Variants in STAMBP observed in about 807,000 individuals in gnomAD.
STAMBP encodes the protein STAM binding protein.
In STAMBP, 31 loss-of-function variants were observed where a neutral mutation model predicts 50.7. The ratio of observed to expected loss-of-function variants is 0.61; its 90% CI spans 0.46 to 0.83. STAMBP has a LOEUF of 0.83. Among genes scored for constraint, STAMBP ranks in the 40% least tolerant of loss-of-function variants. STAMBP has a pLI of 0.00. For synonymous variants in STAMBP, 211 were observed against 192.4 expected (o/e 1.10, Z -0.80); for missense variants, 472 against 518.9 (o/e 0.91, Z 0.88).
rs34680117 is a variant in STAMBP at position 73,843,191 on chromosome 2, CT to C, written c.204-1605del. ...TTCAAGGAAACTGTTTTATATCTTT[CT>C]TTTTTTTTTTTTTTTTCCAAATAGA... On this transcript the variant is annotated intron_variant, in intron 2 of 9. Coordinates refer to ENST00000394070, the MANE Select transcript of STAMBP (RefSeq NM_213622.4). Among the ~76,000 whole-genome samples the C allele has an allele frequency of 7.2e-3, 940 of 129,850 alleles. 9 individuals are homozygous for C. Among genetic ancestry groups the C allele is most frequent in the African/African-American group, 0.02 (678 of 34,088 alleles). 85.2% of individuals were successfully genotyped at this position (129,850 alleles called of 152,430 possible).
At chr2:73,862,073 G>A (rs1217547739) in intron 9 of STAMBP, 130 bp from the exon 10 acceptor site, 2 of 553,966 alleles carry the variant, frequency 3.6e-6, no homozygotes, top group East Asian at 3.9e-5. Context: ...GGAGGCGGGG[G>A]TTGCAGTGAG....
At chr2:73,867,941 A>T (rs918173962), downstream of STAMBP, among the ~76,000 whole-genome samples, 4 of 152,100 alleles carry the variant, frequency 2.6e-5, no homozygotes, top group Non-Finnish European at 4.4e-5. Flanking sequence ...CGTGACAAAC[A>T]TGGAGAAACC....
chr2:73,833,002 A>G (rs1474362813), intron 2 of STAMBP, among the ~76,000 whole-genome samples: 1 of 152,242 alleles, frequency 6.6e-6, no homozygotes, highest in Non-Finnish European at 1.5e-5. Context: ...AATCCAGTAG[A>G]AAAAGGTTCA....
chr2:73,837,584 CAAAAAAAAAAAAAAAAA>C (rs56397494), intron 2 of STAMBP, among the ~76,000 whole-genome samples: 3 of 40,884 alleles, frequency 7.3e-5, no homozygotes, highest in Non-Finnish European at 9.6e-5. Flanking sequence ...GACTCCATCT[CAAAAAAAAAAAAAAAAA>C]AAAAAAAAAA....
In STAMBP at chr2:73,863,780, C is replaced by T. The variant is rs527291919; in HGVS notation, c.*1521C>T. The T allele has an allele frequency of 6.6e-6, 1 of 152,396 alleles. No individual in the cohort carries two copies. The highest frequency in any genetic ancestry group is 1.9e-4 in the East Asian group (1 of 5,190). The allele number at this position is 152,396 out of a possible 1,614,324, so 9.4% of individuals were successfully genotyped here. A position where few individuals can be genotyped will look rare whatever the true frequency, so the allele number is the denominator to read the frequency against. ...CCATCCCCTTCTTCCCATTCTTTGT[C>T]TACCACTTAGCTTAGGGCTTTCTTA... is the stretch of plus-strand genomic sequence containing the variant. On this transcript the variant is annotated 3_prime_UTR_variant, in exon 10 of 10. Transcript: ENST00000394070.
chr2:73,866,988 G>A lies in STAMBP; in HGVS notation c.*4729G>A, dbSNP rs1210839056. 1 of 152,186 alleles carries A rather than the reference G, an allele frequency of 6.6e-6. No homozygotes were observed. The highest frequency in any genetic ancestry group is 1.5e-5 in the Non-Finnish European group (1 of 68,076). The allele number at this position is 152,186 out of a possible 1,614,324, so 9.4% of individuals were successfully genotyped here. On this transcript the variant is annotated 3_prime_UTR_variant, in exon 10 of 10. Coordinates refer to ENST00000394070, the MANE Select transcript of STAMBP (RefSeq NM_213622.4). ...TTCCCCATCACTCTATCTCATCACT[G>A]TTACTGTCTGTGTAGCCCTGTCATG...
intron 5 of STAMBP, 42 bp from the exon 6 acceptor site, chr2:73,849,321 A>G: frequency 6.2e-7 from 1 of 1,611,650 alleles, no homozygotes; most frequent in Non-Finnish European, 8.5e-7. Flanking sequence ...TTGAGGAGGC[A>G]GGGCTCAGTG....
intron 7 of STAMBP, among the ~76,000 whole-genome samples, chr2:73,851,695 A>G (rs966812307): frequency 4.0e-5 from 6 of 150,026 alleles, no homozygotes; most frequent in Non-Finnish European, 7.4e-5. Context: ...ACTGGAGTGC[A>G]ATGGCAAGAT....
chr2:73,845,083 A>G, intron 3 of STAMBP, 84 bp from the exon 4 acceptor site: 1 of 1,579,310 alleles, frequency 6.3e-7, no homozygotes, highest in Non-Finnish European at 8.6e-7. Flanking sequence ...GAAATGTTGC[A>G]GTCACCAACT....
At chr2:73,840,963 A>C (rs772209472) in intron 2 of STAMBP, among the ~76,000 whole-genome samples, 6 of 152,164 alleles carry the variant, frequency 3.9e-5, no homozygotes, top group Non-Finnish European at 8.8e-5. Flanking sequence ...AGGTATAATT[A>C]ACCTTTACGC....
chr2:73,842,483 C>G (rs1675523481), intron 2 of STAMBP, among the ~76,000 whole-genome samples: 2 of 152,312 alleles, frequency 1.3e-5, no homozygotes, highest in South Asian at 4.1e-4. Context: ...CCACCTGGGA[C>G]TGAATAGGCA....
At position 73,830,889 on chromosome 2, in the gene STAMBP, C is replaced by G. The variant is rs145371363; in HGVS notation, c.33C>G (p.Pro11=). 2.1e-5 allele frequency: 34 copies of G among 1,613,624 alleles called. No homozygotes were observed. The East Asian group carries it at 5.1e-4, about 24-fold the overall frequency. The change falls in exon 2 of 10, where the codon CCC becomes CCG. Residue 11 remains proline (P), a synonymous_variant. Coordinates refer to ENST00000394070, the MANE Select transcript of STAMBP (RefSeq NM_213622.4). MSDHGDVSLP[P]EDRVRALSQL... is the part of the protein sequence containing the mutation. ...ACCATGGAGATGTGAGCCTCCCGCCCGAAGACCGGGTGAGGGCTCTCTCCC... is the reference window on the plus strand; with the variant it reads ...ACCATGGAGATGTGAGCCTCCCGCCGGAAGACCGGGTGAGGGCTCTCTCCC...
chr2:73,844,975 T>C, intron 3 of STAMBP, 87 bp downstream of exon 3: 1 of 1,548,808 alleles, frequency 6.5e-7, no homozygotes, highest in East Asian at 2.3e-5. Context: ...TCTCTGCATC[T>C]GAGTACCAGA....
chr2:73,860,313 C>G (rs1041603146), intron 9 of STAMBP, among the ~76,000 whole-genome samples, 162 bp downstream of exon 9: 1 of 152,174 alleles, frequency 6.6e-6, no homozygotes, highest in Non-Finnish European at 1.5e-5. Context: ...CAGTGTGGGA[C>G]AGGAATAGAT....
At chr2:73,838,191 A>G (rs1194775149) in intron 2 of STAMBP, among the ~76,000 whole-genome samples, 1 of 152,208 alleles carries the variant, frequency 6.6e-6, no homozygotes, top group Admixed American at 6.5e-5. Context: ...AGGGGACCAG[A>G]GAGTAAAAAT....
rs932062065 is a variant in STAMBP at position 73,866,140 on chromosome 2, T to G, written c.*3881T>G. The G allele has an allele frequency of 1.3e-5, 2 of 152,274 alleles. No individual in the cohort carries two copies. The highest frequency in any genetic ancestry group is 4.8e-5 in the African/African-American group (2 of 41,468). 9.4% of individuals were successfully genotyped at this position (152,274 alleles called of 1,614,324 possible). A position where few individuals can be genotyped will look rare whatever the true frequency, so the allele number is the denominator to read the frequency against. The stretch of plus-strand genomic sequence containing the variant: ...CCTTAATCCAGGGTTCAATTTTTAG[T>G]TCACCTTAGCCTGTTTGAGATTAGA... On this transcript the variant is annotated 3_prime_UTR_variant, in exon 10 of 10. Transcript: ENST00000394070.
chr2:73,849,010 C>T (rs1676471049), intron 5 of STAMBP, among the ~76,000 whole-genome samples: 1 of 152,086 alleles, frequency 6.6e-6, no homozygotes, highest in Non-Finnish European at 1.5e-5. Flanking sequence ...AATAGGGTAT[C>T]CATCCCCTCA....
At chr2:73,845,287 A>G in intron 4 of STAMBP, 25 bp downstream of exon 4, 3 of 1,549,142 alleles carry the variant, frequency 1.9e-6, no homozygotes, top group Non-Finnish European at 2.7e-6. Flanking sequence ...GCTAAGAAGA[A>G]AATTATTTTG....
chr2:73,832,084 C>CATAT (rs67469518), intron 2 of STAMBP, among the ~76,000 whole-genome samples: 1,837 of 118,472 alleles, frequency 0.016, 98 homozygotes, highest in African/African-American at 0.05. Context: ...GAGTAGGTAA[C>CATAT]ATATATATAT....
Sources: allele counts gnomAD v4.1 joint callset (sites outside exome capture counted in the v4.1 genomes callset), GRCh38; gene constraint gnomAD v4.1.1; transcripts MANE v1.5; gene names NCBI Gene and HGNC (gene_info 2026-07-23, HGNC 2026-07-21).